The following CAMKMT variants were observed in gnomAD, a reference collection of about 807,000 sequenced individuals.
CAMKMT encodes calmodulin-lysine N-methyltransferase.
A neutral mutation model predicts 48.0 loss-of-function variants in CAMKMT; 53 were observed. The observed-to-expected ratio is 1.10, with a 90% CI of 0.89 to 1.39. The LOEUF is 1.39. Among genes scored for constraint, CAMKMT ranks in the 40% most tolerant of loss-of-function variants. The probability of loss-of-function intolerance (pLI) is 0.00; values close to 1 mark genes in which losing one functional copy is unlikely to be tolerated. For synonymous variants in CAMKMT, 165 were observed against 152.3 expected, an observed-to-expected ratio of 1.08 and a Z score of -0.61; for missense variants, 428 against 402.7, an observed-to-expected ratio of 1.06 and a Z score of -0.54.
At chr2:44,505,161 TG>T (rs1156701944) in intron 3 of CAMKMT, among the ~76,000 whole-genome samples, 1 of 152,184 alleles carries the variant, frequency 6.6e-6, no homozygotes, top group African/African-American at 2.4e-5. Flanking sequence ...CCTCCAACAC[TG>T]GGGATCAGAT....
intron 3 of CAMKMT, among the ~76,000 whole-genome samples, chr2:44,489,243 ATTTTTT>A (rs11389463): frequency 1.9e-5 from 2 of 107,752 alleles, no homozygotes. Context: ...ATGGAATACT[ATTTTTT>A]TTTTTTTTTT....
chr2:44,711,032 T>A (rs1677849770), intron 6 of CAMKMT, among the ~76,000 whole-genome samples: 1 of 152,170 alleles, frequency 6.6e-6, no homozygotes, highest in African/African-American at 2.4e-5. Context: ...CACCCCTGGT[T>A]TAACATTATT....
chr2:44,546,441 G>C (rs1023203125), intron 3 of CAMKMT, among the ~76,000 whole-genome samples: 1 of 152,090 alleles, frequency 6.6e-6, no homozygotes. Flanking sequence ...TCTGTTTCAC[G>C]TTTTATGGAA....
intron 3 of CAMKMT, among the ~76,000 whole-genome samples, chr2:44,593,537 C>G (rs1670448557): frequency 6.6e-6 from 1 of 152,178 alleles, no homozygotes; most frequent in Non-Finnish European, 1.5e-5. Context: ...AGCCCGGAAT[C>G]TCTCTTAAAC....
chr2:44,569,873 T>A (rs1558710176), intron 3 of CAMKMT, among the ~76,000 whole-genome samples: 1 of 152,164 alleles, frequency 6.6e-6, no homozygotes, highest in Non-Finnish European at 1.5e-5. Context: ...AACCGGCAGA[T>A]TTTATTTGTG....
chr2:44,750,634 C>T, intron 8 of CAMKMT, among the ~76,000 whole-genome samples: 1 of 152,238 alleles, frequency 6.6e-6, no homozygotes, highest in East Asian at 1.9e-4. Context: ...ACTACCTCTA[C>T]AGCACGGCTG....
At chr2:44,566,392 C>G (rs1668616368) in intron 3 of CAMKMT, among the ~76,000 whole-genome samples, 1 of 152,142 alleles carries the variant, frequency 6.6e-6, no homozygotes, top group African/African-American at 2.4e-5. Flanking sequence ...TGTTGTATTA[C>G]AAAAAGGTAC....
intron 3 of CAMKMT, among the ~76,000 whole-genome samples, chr2:44,395,194 A>G (rs571470367): frequency 1.3e-5 from 2 of 152,202 alleles, no homozygotes; most frequent in Non-Finnish European, 2.9e-5. Flanking sequence ...TCAAAGCTTC[A>G]AGAATGTCAG....
chr2:44,684,571 T>G (rs1008874500), intron 3 of CAMKMT, among the ~76,000 whole-genome samples: 21 of 152,006 alleles, frequency 1.4e-4, no homozygotes, highest in African/African-American at 5.1e-4. Context: ...TCCAGGCTCC[T>G]ATGATTAGAG....
chr2:44,544,303 T>TTATACAAATCAAGACTTC (rs1558691232), intron 3 of CAMKMT, among the ~76,000 whole-genome samples: 1 of 152,178 alleles, frequency 6.6e-6, no homozygotes, highest in African/African-American at 2.4e-5. Flanking sequence ...AAATGCCTGT[T>TTATACAAATCAAGACTTC]TATACAAATC....
intron 3 of CAMKMT, among the ~76,000 whole-genome samples, chr2:44,566,577 T>C (rs1668630804): frequency 6.6e-6 from 1 of 152,016 alleles, no homozygotes; most frequent in Non-Finnish European, 1.5e-5. Context: ...GGGCTTCTAG[T>C]TGATGGTGGA....
At chr2:44,541,613 A>G (rs1036112018) in intron 3 of CAMKMT, among the ~76,000 whole-genome samples, 3 of 152,020 alleles carry the variant, frequency 2.0e-5, no homozygotes, top group Non-Finnish European at 4.4e-5. Context: ...TTGACAAAAA[A>G]TACAAAAATT....
rs1036132770 is a variant in CAMKMT, at chr2:44,667,870, T to C, written c.377-36413T>C. Among the ~76,000 whole-genome samples, 3 of 152,208 alleles carry C rather than the reference T, an allele frequency of 2.0e-5. No individual in the cohort carries two copies. In the South Asian group the frequency reaches 6.2e-4, roughly 32 times the overall value. ...TGCTCATCACTCCCTCCTCCCTGCC[T>C]GCCTCAGGTTCTCATTTATCTTCTT... On this transcript the variant is annotated intron_variant, in intron 3 of 10. Transcript: ENST00000378494.
chr2:44,717,328 A>C (rs1448119106), intron 7 of CAMKMT, among the ~76,000 whole-genome samples: 1 of 152,108 alleles, frequency 6.6e-6, no homozygotes, highest in Non-Finnish European at 1.5e-5. Flanking sequence ...AGTCTACTAA[A>C]GCACTTTCTA....
At chr2:44,537,325 A>G (rs1462942629) in intron 3 of CAMKMT, among the ~76,000 whole-genome samples, 1 of 152,232 alleles carries the variant, frequency 6.6e-6, no homozygotes, top group African/African-American at 2.4e-5. Flanking sequence ...AGTAAAACAA[A>G]CAAACAAACA....
chr2:44,405,533 G>A (rs1477360602), intron 3 of CAMKMT, among the ~76,000 whole-genome samples: 1 of 151,992 alleles, frequency 6.6e-6, no homozygotes, highest in African/African-American at 2.4e-5. Flanking sequence ...GCTTATTTTA[G>A]GAAATCGGAA....
chr2:44,418,422 G>A (rs1683715103), intron 3 of CAMKMT, among the ~76,000 whole-genome samples: 1 of 151,606 alleles, frequency 6.6e-6, no homozygotes, highest in African/African-American at 2.4e-5. Context: ...AGAAGTTAAG[G>A]TTCTTTTGTT....
At chr2:44,577,894 A>T (rs1669321201) in intron 3 of CAMKMT, among the ~76,000 whole-genome samples, 1 of 152,192 alleles carries the variant, frequency 6.6e-6, no homozygotes, top group South Asian at 2.1e-4. Flanking sequence ...TGACTCCCCT[A>T]GGAATTTATT....
Position 44,707,460 on chromosome 2 carries a change from G to C in CAMKMT, c.554G>C (p.Arg185Thr). ...ACTGATGGGAATGAAAAGGCCATCA[G>C]AAGTATCCTTATTCAGATAGAAAAC... Reference protein sequence around the residue: ...LLTDGNEKAIRNVQDIITRNQ... With the variant: ...LLTDGNEKAITNVQDIITRNQ... The change falls in exon 6 of 11, where the codon AGA becomes ACA. Residue 185 changes from arginine to threonine, a missense_variant and splice_region_variant. By Grantham distance (71) the Arg-to-Thr change is moderately conservative. Coordinates refer to ENST00000378494, the MANE Select transcript of CAMKMT (RefSeq NM_024766.5). 1 of 1,612,124 alleles carries C rather than the reference G, an allele frequency of 6.2e-7. No homozygotes were observed. Among genetic ancestry groups the C allele is most frequent in the African/African-American group, 1.3e-5 (1 of 74,894 alleles).
Sources: allele counts gnomAD v4.1 joint callset (sites outside exome capture counted in the v4.1 genomes callset), GRCh38; gene constraint gnomAD v4.1.1; transcripts MANE v1.5; gene names NCBI Gene and HGNC (gene_info 2026-07-23, HGNC 2026-07-21).